The following MTERF4 variants were observed in gnomAD, a reference collection of about 807,000 sequenced individuals.
MTERF4 encodes mitochondrial transcription termination factor 4, also known as transcription termination factor 4, mitochondrial.
MTERF4 carries 17 observed loss-of-function variants against 22.5 expected under a neutral mutation model. That is an observed-to-expected ratio of 0.75 (90% CI 0.52 to 1.13). The LOEUF (loss-of-function observed/expected upper bound fraction) is 1.13. Among genes scored for constraint, MTERF4 ranks in the 50% most tolerant of loss-of-function variants. The pLI is 0.00. For synonymous variants in MTERF4, 165 were observed against 175.3 expected (o/e 0.94, Z 0.47); for missense variants, 420 against 466.8 (o/e 0.90, Z 0.92).
chr2:241,088,529 G>A (rs2063701820), downstream of MTERF4: 3 of 765,294 alleles, frequency 3.9e-6, no homozygotes, highest in East Asian at 4.9e-5. Context: ...GCGCGGTCCT[G>A]TGCTGCTGTG....
At chr2:241,072,758 G>A (rs1054155781) in exon 5 of MTERF4, 4 of 189,288 alleles carry the variant, frequency 2.1e-5, no homozygotes, top group Non-Finnish European at 1.1e-5. Context: ...AGGGGGGCCC[G>A]TTGTACTTGC....
In MTERF4 at chr2:241,073,279, G is replaced by T. The variant is rs771943647; in HGVS notation, n.2883C>A. The T allele has an allele frequency of 9.0e-6, 14 of 1,559,216 alleles. No individual in the cohort carries two copies. On this transcript the variant is annotated non_coding_transcript_exon_variant, in exon 5 of 5. Transcript: ENST00000464344. This position sits in a 1 kb window ranked among gnomAD's most constrained non-coding sequence, Gnocchi z 6.6. ...GGCTTCTCCTAGAACCCACAGCCTCGGCGCAGCTCGAGAACATGGAGGAAG... is the reference window on the plus strand; with the variant it reads ...GGCTTCTCCTAGAACCCACAGCCTCTGCGCAGCTCGAGAACATGGAGGAAG...
At chr2:241,082,392 C>T (rs1187802772), downstream of MTERF4, 1 of 1,569,934 alleles carries the variant, frequency 6.4e-7, no homozygotes, top group African/African-American at 1.4e-5. Flanking sequence ...CTCCGCCTTA[C>T]CGCATTTGTC....
At chr2:241,068,298 C>T (rs1393501154), downstream of MTERF4, among the ~76,000 whole-genome samples, 1 of 149,260 alleles carries the variant, frequency 6.7e-6, no homozygotes, top group East Asian at 1.9e-4. This position sits in a 1 kb window ranked among gnomAD's most constrained non-coding sequence, Gnocchi z 5.3. Context: ...GTAGCAGCCC[C>T]GAGCTCTCCC....
chr2:241,088,605 C>T, downstream of MTERF4: 1 of 582,690 alleles, frequency 1.7e-6, no homozygotes, highest in Non-Finnish European at 3.0e-6. Flanking sequence ...CCTGGTCTAG[C>T]CACTGACAAA....
the MTERF4 span, chr2:241,051,567 A>AC: frequency 2.2e-6 from 1 of 462,998 alleles, no homozygotes; most frequent in Non-Finnish European, 3.8e-6. This position sits in a 1 kb window ranked among gnomAD's most constrained non-coding sequence, Gnocchi z 4.7. Flanking sequence ...TGTGAGCCCC[A>AC]CCCCAGCCCC....
chr2:241,048,320 C>T, the MTERF4 span: 2 of 1,600,906 alleles, frequency 1.2e-6, no homozygotes, highest in South Asian at 1.1e-5. Context: ...TGCAGGAGAC[C>T]ATCCAGTGCC....
At chr2:241,072,994 A>G (rs958339037) in exon 5 of MTERF4, 3 of 492,680 alleles carry the variant, frequency 6.1e-6, no homozygotes, top group Non-Finnish European at 1.1e-5. Context: ...GGGGCCTCTC[A>G]GCATGATCAG....
the MTERF4 span, among the ~76,000 whole-genome samples, chr2:241,059,076 A>G: frequency 1.3e-5 from 2 of 152,264 alleles, no homozygotes; most frequent in Non-Finnish European, 2.9e-5. Flanking sequence ...TCCTTTAAAC[A>G]TTAAAGATCC....
downstream of MTERF4, among the ~76,000 whole-genome samples, chr2:241,069,321 A>G (rs1285804764): frequency 6.6e-6 from 1 of 152,134 alleles, no homozygotes; most frequent in East Asian, 1.9e-4. This position sits in a 1 kb window ranked among gnomAD's most constrained non-coding sequence, Gnocchi z 4.9. Context: ...TGGGCCAGGG[A>G]TACCCATGCT....
the MTERF4 span, among the ~76,000 whole-genome samples, chr2:241,058,102 A>G: frequency 6.6e-6 from 1 of 152,196 alleles, no homozygotes; most frequent in Non-Finnish European, 1.5e-5. Context: ...AAGTGAAAGG[A>G]AAAAAATAGG....
chr2:241,060,454 T>C, the MTERF4 span, among the ~76,000 whole-genome samples: 1 of 152,176 alleles, frequency 6.6e-6, no homozygotes, highest in African/African-American at 2.4e-5. Context: ...AAGTGCTGGA[T>C]TACAGGCGCG....
At chr2:241,060,609 TAAATC>T in the MTERF4 span, among the ~76,000 whole-genome samples, 1 of 151,452 alleles carries the variant, frequency 6.6e-6, no homozygotes, top group Non-Finnish European at 1.5e-5. Context: ...ACACTGGAAT[TAAATC>T]CAGGTGGATT....
the MTERF4 span, chr2:241,065,605 C>T: frequency 1.9e-6 from 3 of 1,609,036 alleles, no homozygotes; most frequent in Non-Finnish European, 2.5e-6. Context: ...CGTGAGTGTC[C>T]CCGAGCCTGG....
At position 241,075,865 on chromosome 2, in the gene MTERF4, G is replaced by A. The variant is rs1575083193; in HGVS notation, n.480-183C>T. Among the ~76,000 whole-genome samples the A allele has an allele frequency of 6.6e-6, 1 of 152,242 alleles. No homozygotes were observed. The highest frequency in any genetic ancestry group is 2.4e-5 in the African/African-American group (1 of 41,532). On this transcript the variant is annotated intron_variant and non_coding_transcript_variant, in intron 4 of 4. Coordinates refer to the MTERF4 transcript ENST00000464344. The surrounding 1 kb of genome is among the most constrained non-coding windows in gnomAD (Gnocchi z 4.8). ...CATTAATCTGTTAGACTGTGTGTGTGTGAGAAGTTGGGCTACAATTTCATT... is the reference window on the plus strand; with the variant it reads ...CATTAATCTGTTAGACTGTGTGTGTATGAGAAGTTGGGCTACAATTTCATT...
At chr2:241,083,658 C>G (rs2063438680), downstream of MTERF4, among the ~76,000 whole-genome samples, 2 of 152,178 alleles carry the variant, frequency 1.3e-5, no homozygotes, top group African/African-American at 4.8e-5. Context: ...TCCCGCTGTG[C>G]TTAGTTACAC....
downstream of MTERF4, chr2:241,095,060 GCCC>G (rs10573691): frequency 0.16 from 14,775 of 90,468 alleles, 2,833 homozygotes; most frequent in African/African-American, 0.41. Context: ...AAGGTGACAC[GCCC>G]CCCCCCCCCC....
chr2:241,052,070 T>C, the MTERF4 span: 1 of 1,613,860 alleles, frequency 6.2e-7, no homozygotes, highest in Non-Finnish European at 8.5e-7. Context: ...CTCTGGCCCC[T>C]GTCACAACGG....
downstream of MTERF4, chr2:241,067,655 CCT>C: frequency 1.2e-6 from 1 of 841,614 alleles, no homozygotes; most frequent in South Asian, 1.9e-5. Flanking sequence ...CTCTCCAGTG[CCT>C]CTCTGTGGCC....
Sources: allele counts gnomAD v4.1 joint callset (sites outside exome capture counted in the v4.1 genomes callset), GRCh38; gene constraint gnomAD v4.1.1; non-coding constraint Gnocchi (gnomAD v3.1); transcripts MANE v1.5; gene names NCBI Gene and HGNC (gene_info 2026-07-23, HGNC 2026-07-21).